NAPSA: variants seen among roughly 807,000 people sequenced by gnomAD.
The protein encoded by NAPSA is napsin A aspartic peptidase.
In NAPSA, 37 loss-of-function variants were observed where a neutral mutation model predicts 36.7. That is an observed-to-expected ratio of 1.01 (90% confidence interval 0.78 to 1.33). The LOEUF is 1.33. Among genes scored for constraint, NAPSA ranks in the 40% most tolerant of loss-of-function variants. The pLI, the probability that NAPSA is intolerant of heterozygous loss-of-function variation, is 0.00. For synonymous variants in NAPSA, 222 were observed against 234.5 expected (o/e 0.95, Z 0.49); for missense variants, 532 against 543.8 (o/e 0.98, Z 0.21).
At chr19:50,364,812 C>T (rs80264876) in intron 1 of NAPSA, among the ~76,000 whole-genome samples, 15 of 143,368 alleles carry the variant, frequency 1.0e-4, no homozygotes, top group African/African-American at 2.8e-4. Flanking sequence ...GCAAACATGG[C>T]GAAACCCCAT....
intron 7 of NAPSA, 188 bp downstream of exon 7, chr19:50,359,315 C>G (rs186139724): frequency 2.3e-6 from 2 of 881,852 alleles, no homozygotes; most frequent in East Asian, 5.3e-5. Flanking sequence ...TCCGCAGAGT[C>G]GCAGTGTAGA....
chr19:50,360,004 G>A (rs770554778), intron 5 of NAPSA, 142 bp from the exon 6 acceptor site: 2 of 1,133,554 alleles, frequency 1.8e-6, no homozygotes, highest in Non-Finnish European at 2.5e-6. Context: ...GAAGGGCCTA[G>A]ATGTTGGGAC....
At chr19:50,358,807 G>C in intron 8 of NAPSA, 27 bp from the exon 9 acceptor site, 1 of 1,574,056 alleles carries the variant, frequency 6.4e-7, no homozygotes, top group Non-Finnish European at 8.7e-7. Flanking sequence ...CGACAACTGG[G>C]TGTCGCGGCC....
At chr19:50,365,405 T>C (rs878865233) in intron 1 of NAPSA, 134 bp downstream of exon 1, 1 of 780,512 alleles carries the variant, frequency 1.3e-6, no homozygotes, top group South Asian at 1.7e-5. Flanking sequence ...TTTAGAGATC[T>C]GGAAAGCTGA....
chr19:50,359,359 C>G, intron 7 of NAPSA, 144 bp downstream of exon 7: 1 of 1,149,212 alleles, frequency 8.7e-7, no homozygotes, highest in Non-Finnish European at 1.2e-6. Flanking sequence ...CTCCACCACC[C>G]TCCAGACTAT....
chr19:50,368,975 G>A (rs1374875754), upstream of NAPSA, among the ~76,000 whole-genome samples: 4 of 152,194 alleles, frequency 2.6e-5, no homozygotes, highest in Non-Finnish European at 5.9e-5. Flanking sequence ...ATCTCCTGCC[G>A]AACACGGCCC....
chr19:50,359,267 G>A (rs2037439088), intron 7 of NAPSA, 158 bp from the exon 8 acceptor site: 2 of 834,356 alleles, frequency 2.4e-6, no homozygotes, highest in Non-Finnish European at 3.7e-6. Context: ...GCAGTCCCAA[G>A]CAAACCTGCA....
At position 50,362,089 on chromosome 19, in the gene NAPSA, G is replaced by C. The variant is rs370091126; in HGVS notation, c.229C>G (p.Gln77Glu). The C allele has an allele frequency of 3.1e-6, 5 of 1,613,980 alleles. No individual in the cohort carries two copies. Among genetic ancestry groups the C allele is most frequent in the Admixed American group, 1.7e-5 (1 of 59,996 alleles). The change falls in exon 3 of 9, where the codon CAG becomes GAG. Residue 77 changes from glutamine (Q) to glutamate (E), a missense_variant. Gln to Glu is a conservative substitution (Grantham distance 29). Transcript: ENST00000253719. ...FVPLSNYRDV[Q>E]YFGEIGLGTP... ...CCCAGCCCAATTTCCCCAAAATACT[G>C]CACCTGATAGCAAAAGAGGAGAGTA...
chr19:50,358,628 C>G lies in NAPSA; in HGVS notation c.1188G>C (p.Val396=), dbSNP rs538467098. The part of the protein sequence containing the change: ...DRGDMKSSAR[V]GLARARTRGA... ...CGCGAGTGCGAGCGCGCGCCAGGCC[C>G]ACCCGGGCGCTGCTCTTCATGTCCC... The change falls in exon 9 of 9, where the codon GTG becomes GTC. Residue 396 remains valine (V), a synonymous_variant. Transcript: ENST00000253719. 379 of 1,612,766 alleles carry G rather than the reference C, an allele frequency of 2.3e-4. 7 individuals carry two copies. The South Asian group carries it at 3.5e-3, about 15-fold the overall frequency.
intron 1 of NAPSA, 144 bp from the exon 2 acceptor site, chr19:50,362,457 C>T: frequency 1.5e-6 from 1 of 667,136 alleles, no homozygotes; most frequent in South Asian, 2.7e-5. Flanking sequence ...CAATAACAAC[C>T]TCCAGAAAAG....
chr19:50,359,826 C>G lies in NAPSA; in HGVS notation c.705G>C (p.Leu235=). The G allele has an allele frequency of 2.5e-6, 4 of 1,613,860 alleles. No individual in the cohort carries two copies. The highest frequency in any genetic ancestry group is 3.4e-6 in the Non-Finnish European group (4 of 1,179,944). Residue 235 remains leucine (L), a synonymous_variant, in exon 6 of 9, where the codon CTG becomes CTC. Coordinates refer to ENST00000253719, the MANE Select transcript of NAPSA (RefSeq NM_004851.3). ...PEEPDGGELV[L]GGSDPAHYIP... ...TGTAGTGTGCCGGGTCCGAGCCCCCCAGGACCAGCTCTCCTCCATCAGGCT... is the reference window on the plus strand; with the variant it reads ...TGTAGTGTGCCGGGTCCGAGCCCCCGAGGACCAGCTCTCCTCCATCAGGCT...
chr19:50,366,657 A>G (rs2037553318), upstream of NAPSA, among the ~76,000 whole-genome samples: 1 of 145,428 alleles, frequency 6.9e-6, no homozygotes. Flanking sequence ...TTATTTATTT[A>G]TTTATTTATT....
intron 1 of NAPSA, among the ~76,000 whole-genome samples, 197 bp downstream of exon 1, chr19:50,365,342 G>T (rs1203671471): frequency 6.6e-6 from 1 of 152,156 alleles, no homozygotes; most frequent in Non-Finnish European, 1.5e-5. Context: ...TCAAAAAAAA[G>T]AAATCTGGTC....
rs750124264 is a variant in NAPSA, at chr19:50,359,840, C to G, written c.691G>C (p.Gly231Arg). 22 of 1,614,064 alleles carry G rather than the reference C, an allele frequency of 1.4e-5. No homozygotes were observed. The highest frequency in any genetic ancestry group is 1.9e-5 in the Non-Finnish European group (22 of 1,180,014). The change falls in exon 6 of 9, where the codon GGA (glycine) becomes CGA (arginine). Residue 231 changes from glycine (G) to arginine (R), a missense_variant. Gly to Arg is a moderately radical substitution (Grantham distance 125, BLOSUM62 -2). Transcript: ENST00000253719. ...LNRDPEEPDG[G>R]ELVLGGSDPA... Reference sequence around the variant, plus strand: ...TCCGAGCCCCCCAGGACCAGCTCTCCTCCATCAGGCTCTTCAGGGTCCCTG... The same window carrying G: ...TCCGAGCCCCCCAGGACCAGCTCTCGTCCATCAGGCTCTTCAGGGTCCCTG...
Position 50,358,632 on chromosome 19 carries a change from C to T in NAPSA, c.1184G>A (p.Arg395Gln), listed in dbSNP as rs368271566. 12 of 1,612,690 alleles carry T rather than the reference C, an allele frequency of 7.4e-6. No individual in the cohort carries two copies. Among genetic ancestry groups the T allele is most frequent in the African/African-American group, 1.3e-5 (1 of 74,932 alleles). Residue 395 changes from arginine (R) to glutamine (Q), a missense_variant, in exon 9 of 9, where the codon CGG becomes CAG. This residue lies in a region of NAPSA where 385 missense variants were observed against 371.5 expected (regional missense o/e 1.04). Transcript: ENST00000253719. ...AGTGCGAGCGCGCGCCAGGCCCACC[C>T]GGGCGCTGCTCTTCATGTCCCCGCG... ...FDRGDMKSSA[R>Q]VGLARARTRG...
At chr19:50,364,102 G>A (rs905035147) in intron 1 of NAPSA, among the ~76,000 whole-genome samples, 3 of 151,422 alleles carry the variant, frequency 2.0e-5, no homozygotes, top group Non-Finnish European at 2.9e-5. Context: ...GGCAGATCAC[G>A]AAGTCAGGAG....
chr19:50,359,112 G>C lies in NAPSA; in HGVS notation c.937-3C>G. On this transcript the variant is annotated splice_polypyrimidine_tract_variant and splice_region_variant and intron_variant, in intron 7 of 8. Coordinates refer to ENST00000253719, the MANE Select transcript of NAPSA (RefSeq NM_004851.3). Reference sequence around the variant, plus strand: ...ATTTCCGAGCACAGGATGATGTACTGGGGGAGAAGAGGAACTAGTGAAGAT... The same window carrying C: ...ATTTCCGAGCACAGGATGATGTACTCGGGGAGAAGAGGAACTAGTGAAGAT... The C allele has an allele frequency of 6.2e-7, 1 of 1,609,788 alleles. No individual in the cohort carries two copies. Among genetic ancestry groups the C allele is most frequent in the Non-Finnish European group, 8.5e-7 (1 of 1,176,338 alleles).
chr19:50,360,029 G>T (rs1434026437), intron 5 of NAPSA, among the ~76,000 whole-genome samples, 167 bp from the exon 6 acceptor site: 7 of 152,224 alleles, frequency 4.6e-5, no homozygotes, highest in Admixed American at 3.9e-4. Flanking sequence ...AGCCGGGCAA[G>T]AAAAGCATGA....
Position 50,358,656 on chromosome 19 carries a change from C to T in NAPSA, c.1160G>A (p.Arg387His). ...FLGTYVAVFD[R>H]GDMKSSARVG... is the part of the protein sequence containing the mutation. ...CCGGGCGCTGCTCTTCATGTCCCCGCGGTCGAAGACGGCCACATACGTCCC... is the reference window on the plus strand; with the variant it reads ...CCGGGCGCTGCTCTTCATGTCCCCGTGGTCGAAGACGGCCACATACGTCCC... Residue 387 changes from arginine to histidine, a missense_variant, in exon 9 of 9, where the codon CGC becomes CAC. Arg to His is a conservative substitution (Grantham distance 29). This residue lies in a region of NAPSA where 385 missense variants were observed against 371.5 expected (regional missense o/e 1.04). Coordinates refer to ENST00000253719, the MANE Select transcript of NAPSA (RefSeq NM_004851.3). 1 of 1,613,100 alleles carries T rather than the reference C, an allele frequency of 6.2e-7. No individual in the cohort carries two copies. Among genetic ancestry groups the T allele is most frequent in the East Asian group, 2.2e-5 (1 of 44,846 alleles).
Sources: gnomAD v4.1 joint callset for allele counts (sites outside exome capture counted in the v4.1 genomes callset) on GRCh38, gnomAD v4.1.1 for gene constraint, gnomAD v4.1.1 regional missense constraint, MANE v1.5 for transcripts, NCBI Gene and HGNC (gene_info 2026-07-23, HGNC 2026-07-21) for gene names.